Variants in ADGRL3 observed in about 807,000 individuals in gnomAD.
The protein encoded by ADGRL3 is adhesion G protein-coupled receptor L3.
ADGRL3 carries 62 observed loss-of-function variants against 153.5 expected under a neutral mutation model. The observed-to-expected ratio is 0.40, with a 90% CI of 0.33 to 0.50. The LOEUF (loss-of-function observed/expected upper bound fraction) is 0.50, where lower values mean the gene tolerates loss of function less well. Among genes scored for constraint, ADGRL3 ranks in the 20% least tolerant of loss-of-function variants. The pLI is 0.47. For missense variants in ADGRL3, 1,641 were observed against 1,859.4 expected (o/e 0.88, Z 2.16); for synonymous variants, 710 against 672.5 (o/e 1.06, Z -0.86).
At chr4:61,317,742 A>C (rs1310924932) in intron 1 of ADGRL3, among the ~76,000 whole-genome samples, 1 of 152,174 alleles carries the variant, frequency 6.6e-6, no homozygotes, top group African/African-American at 2.4e-5. Context: ...TACGTAGAGT[A>C]ACCAGAGTCT....
chr4:61,285,032 G>A (rs1245161704), intron 1 of ADGRL3, among the ~76,000 whole-genome samples: 1 of 151,648 alleles, frequency 6.6e-6, no homozygotes. Flanking sequence ...TTGTGAGATG[G>A]TTGGCCACAG....
chr4:61,288,949 T>C (rs2094056761), intron 1 of ADGRL3, among the ~76,000 whole-genome samples: 1 of 152,008 alleles, frequency 6.6e-6, no homozygotes, highest in Non-Finnish European at 1.5e-5. Flanking sequence ...GCACTAATCG[T>C]TCAGAAACAG....
intron 5 of ADGRL3, among the ~76,000 whole-genome samples, chr4:61,605,499 C>T (rs1184856209): frequency 6.6e-6 from 1 of 152,036 alleles, no homozygotes; most frequent in East Asian, 1.9e-4. Flanking sequence ...CTGGCAAACT[C>T]TAGTGAAGTC....
intron 8 of ADGRL3, among the ~76,000 whole-genome samples, chr4:61,740,223 T>G (rs2096566294): frequency 6.6e-6 from 1 of 152,200 alleles, no homozygotes; most frequent in African/African-American, 2.4e-5. Flanking sequence ...AAATACAATA[T>G]AAAAGTATAC....
intron 1 of ADGRL3, among the ~76,000 whole-genome samples, chr4:61,335,769 T>C (rs774300304): frequency 1.5e-4 from 23 of 152,206 alleles, no homozygotes; most frequent in Non-Finnish European, 2.6e-4. Context: ...GGTGTATGTG[T>C]GTGAAAAGAG....
intron 5 of ADGRL3, among the ~76,000 whole-genome samples, chr4:61,616,812 A>G (rs1265449850): frequency 6.6e-6 from 1 of 152,012 alleles, no homozygotes; most frequent in Admixed American, 6.6e-5. Context: ...AAATGCTATC[A>G]TTATTATTTT....
intron 4 of ADGRL3, among the ~76,000 whole-genome samples, chr4:61,577,835 G>T (rs1006894302): frequency 1.3e-5 from 2 of 150,812 alleles, no homozygotes; most frequent in African/African-American, 4.9e-5. Context: ...AAAAAAAAAG[G>T]GTAATGACCA....
intron 9 of ADGRL3, among the ~76,000 whole-genome samples, chr4:61,831,969 C>A (rs2097875880): frequency 6.6e-6 from 1 of 152,042 alleles, no homozygotes; most frequent in South Asian, 2.1e-4. Context: ...GAGCCCTGAG[C>A]CAGTTCAAGC....
chr4:61,567,800 C>T (rs2098822550), intron 4 of ADGRL3, among the ~76,000 whole-genome samples: 1 of 152,156 alleles, frequency 6.6e-6, no homozygotes, highest in African/African-American at 2.4e-5. Context: ...AGTCTTGGAA[C>T]TATTGAAGTT....
At chr4:61,907,592 GAT>G (rs553993493) in intron 11 of ADGRL3, among the ~76,000 whole-genome samples, 2 of 149,920 alleles carry the variant, frequency 1.3e-5, no homozygotes, top group African/African-American at 2.5e-5. Context: ...ATATATACAT[GAT>G]ATATATATGA....
At chr4:61,334,785 A>T (rs894032514) in intron 1 of ADGRL3, among the ~76,000 whole-genome samples, 5 of 152,090 alleles carry the variant, frequency 3.3e-5, no homozygotes, top group Non-Finnish European at 7.4e-5. Flanking sequence ...TTTCAAATTC[A>T]ATTGAGTTAT....
intron 1 of ADGRL3, among the ~76,000 whole-genome samples, chr4:61,251,329 G>T (rs1759176514): frequency 1.3e-5 from 2 of 152,154 alleles, no homozygotes; most frequent in South Asian, 4.1e-4. Flanking sequence ...CTCCCCATGT[G>T]ACCTGGACTT....
chr4:61,795,790 T>C (rs1371314840), intron 8 of ADGRL3, among the ~76,000 whole-genome samples: 2 of 152,210 alleles, frequency 1.3e-5, no homozygotes, highest in African/African-American at 4.8e-5. Flanking sequence ...ATCAACCATG[T>C]TGGCAAATAA....
chr4:61,909,024 C>T (rs995511496), intron 11 of ADGRL3, among the ~76,000 whole-genome samples: 3 of 152,108 alleles, frequency 2.0e-5, no homozygotes, highest in African/African-American at 7.2e-5. Flanking sequence ...TAGTTTGCTA[C>T]CCAGCATACT....
intron 2 of ADGRL3, among the ~76,000 whole-genome samples, chr4:61,461,764 T>A (rs765718225): frequency 1.3e-5 from 2 of 152,098 alleles, no homozygotes; most frequent in Non-Finnish European, 2.9e-5. Context: ...ATTGAAAGGA[T>A]CTATAGAAAC....
intron 1 of ADGRL3, among the ~76,000 whole-genome samples, chr4:61,316,431 G>A (rs1017247287): frequency 6.6e-6 from 1 of 152,044 alleles, no homozygotes; most frequent in Non-Finnish European, 1.5e-5. Context: ...AAATTAGGTT[G>A]GTCAAAAGTA....
rs145641134 is a variant in ADGRL3, at chr4:61,333,993, G to T, written c.-239-49131G>T. On this transcript the variant is annotated intron_variant, in intron 1 of 26. Coordinates refer to ENST00000683033, the MANE Select transcript of ADGRL3 (RefSeq NM_001387552.1). ...TGCAATGGTGTGATCTTGACTCACT[G>T]CAATCTCTGCCTCGCTGGTCCAAGC... 5.5e-3 allele frequency among the ~76,000 whole-genome samples: 832 copies of T among 150,450 alleles called. 12 individuals are homozygous for T. Among genetic ancestry groups the T allele is most frequent in the African/African-American group, 0.019 (794 of 40,876 alleles).
intron 1 of ADGRL3, among the ~76,000 whole-genome samples, chr4:61,332,988 G>C (rs922190297): frequency 1.4e-4 from 21 of 152,090 alleles, no homozygotes; most frequent in African/African-American, 4.1e-4. Context: ...GAAGTATAAT[G>C]ATGAGATTTA....
At chr4:61,978,575 T>C (rs2099056155) in intron 17 of ADGRL3, among the ~76,000 whole-genome samples, 1 of 152,290 alleles carries the variant, frequency 6.6e-6, no homozygotes, top group Non-Finnish European at 1.5e-5. Flanking sequence ...GATCTACTTA[T>C]TTGTTGGGCC....
Sources: allele counts gnomAD v4.1 joint callset (sites outside exome capture counted in the v4.1 genomes callset), GRCh38; gene constraint gnomAD v4.1.1; transcripts MANE v1.5; gene names NCBI Gene and HGNC (gene_info 2026-07-23, HGNC 2026-07-21).